Variants in LARP4B observed in about 807,000 individuals in gnomAD.
LARP4B encodes the protein La ribonucleoprotein 4B, also known as la-related protein 4B.
Under a neutral mutation model 89.8 loss-of-function variants are expected in LARP4B, and 12 were observed. The ratio of observed to expected loss-of-function variants is 0.13; its 90% CI spans 0.09 to 0.22. The LOEUF (loss-of-function observed/expected upper bound fraction) is 0.22. Among genes scored for constraint, LARP4B ranks in the 10% least tolerant of loss-of-function variants. LARP4B has a pLI of 1.00. For synonymous variants in LARP4B, 367 were observed against 363.3 expected, an observed-to-expected ratio of 1.01 and a Z score of -0.12; for missense variants, 757 against 947.7, an observed-to-expected ratio of 0.80 and a Z score of 2.64.
the LARP4B span, among the ~76,000 whole-genome samples, chr10:975,831 C>T: frequency 4.2e-5 from 6 of 141,462 alleles, no homozygotes; most frequent in African/African-American, 8.0e-5. Context: ...TCTCGCGCAA[C>T]GTGTGGACCC....
At chr10:828,702 C>A (rs2131653675) in intron 11 of LARP4B, among the ~76,000 whole-genome samples, 1 of 152,348 alleles carries the variant, frequency 6.6e-6, no homozygotes, top group East Asian at 1.9e-4. Context: ...TGCATTGCTA[C>A]CTCATGCAAA....
At chr10:872,363 C>T (rs1378108192) in intron 3 of LARP4B, among the ~76,000 whole-genome samples, 2 of 152,178 alleles carry the variant, frequency 1.3e-5, no homozygotes, top group Non-Finnish European at 2.9e-5. Flanking sequence ...TGACATGGCA[C>T]GCGAGGCTGA....
intron 5 of LARP4B, among the ~76,000 whole-genome samples, chr10:860,127 T>TGGGGGGGGGGGGG (rs60607691): frequency 9.4e-5 from 9 of 96,192 alleles, no homozygotes; most frequent in African/African-American, 1.6e-4. Flanking sequence ...TGTGTGGGGG[T>TGGGGGGGGGGGGG]GGGGGGGAGG....
At chr10:886,077 A>C (rs1407952679) in intron 1 of LARP4B, among the ~76,000 whole-genome samples, 1 of 152,222 alleles carries the variant, frequency 6.6e-6, no homozygotes, top group African/African-American at 2.4e-5. Flanking sequence ...TGAAGGCTTA[A>C]TATCCAAGAT....
At chr10:908,848 C>G (rs1836572181) in intron 1 of LARP4B, among the ~76,000 whole-genome samples, 1 of 152,048 alleles carries the variant, frequency 6.6e-6, no homozygotes, top group Admixed American at 6.6e-5. Context: ...TCAAGGAGTG[C>G]AGGCTGCAGC....
chr10:944,590 C>T, the LARP4B span, among the ~76,000 whole-genome samples: 1 of 152,252 alleles, frequency 6.6e-6, no homozygotes, highest in Non-Finnish European at 1.5e-5. Flanking sequence ...GGAAACAGCA[C>T]TCCTTTCCTG....
chr10:942,033 C>T, the LARP4B span, among the ~76,000 whole-genome samples: 2 of 152,148 alleles, frequency 1.3e-5, no homozygotes, highest in Non-Finnish European at 2.9e-5. Context: ...AACAAATGTG[C>T]CACTGTTCAG....
the LARP4B span, among the ~76,000 whole-genome samples, chr10:940,012 ATTTT>A: frequency 6.7e-5 from 8 of 118,804 alleles, no homozygotes; most frequent in Non-Finnish European, 1.1e-4. Context: ...CGCCCGGCTA[ATTTT>A]TTTTTTTTTT....
At chr10:817,924 G>C in intron 14 of LARP4B, 35 bp from the exon 15 acceptor site, 1 of 1,589,662 alleles carries the variant, frequency 6.3e-7, no homozygotes, top group Non-Finnish European at 8.6e-7. Context: ...TCACGGTATG[G>C]AGAGAGAAGG....
intron 1 of LARP4B, among the ~76,000 whole-genome samples, chr10:913,277 CTG>C (rs1836724912): frequency 6.6e-6 from 1 of 152,166 alleles, no homozygotes; most frequent in East Asian, 1.9e-4. Flanking sequence ...TCTTATAAAA[CTG>C]TAAGATCTGC....
At chr10:901,848 T>C (rs1261745871) in intron 1 of LARP4B, among the ~76,000 whole-genome samples, 1 of 152,234 alleles carries the variant, frequency 6.6e-6, no homozygotes, top group East Asian at 1.9e-4. Flanking sequence ...GTTTTATTTA[T>C]AGTTTGAGTT....
chr10:829,593 G>A lies in LARP4B; in HGVS notation c.917C>T (p.Ala306Val). 1.2e-6 allele frequency: 2 copies of A among 1,613,740 alleles called. No individual in the cohort carries two copies. The highest frequency in any genetic ancestry group is 1.7e-6 in the Non-Finnish European group (2 of 1,179,798). ...AGCTATTGCCTTTGCTTTTATCCGT[G>A]CCTGTTTGAAAATATGTAAGTTTCT... ...VKTFQGKPIK[A>V]RIKAKAIAIN... Residue 306 changes from alanine to valine, a missense_variant and splice_region_variant, in exon 11 of 18, where the codon GCA (alanine) becomes GTA (valine). Ala to Val is a moderately conservative substitution (Grantham distance 64, BLOSUM62 0). Transcript: ENST00000316157.
intron 1 of LARP4B, among the ~76,000 whole-genome samples, chr10:901,828 G>C (rs1182329358): frequency 6.6e-6 from 1 of 152,122 alleles, no homozygotes; most frequent in Non-Finnish European, 1.5e-5. Context: ...ACAGCAGTGA[G>C]AAAATGTGAG....
chr10:861,820 T>A (rs1834630133), intron 5 of LARP4B, among the ~76,000 whole-genome samples: 3 of 152,238 alleles, frequency 2.0e-5, no homozygotes, highest in Admixed American at 2.0e-4. Flanking sequence ...TTAGGTCATT[T>A]CAATTTAGTC....
intron 5 of LARP4B, among the ~76,000 whole-genome samples, chr10:856,208 G>A (rs1834294647): frequency 6.6e-6 from 1 of 152,094 alleles, no homozygotes; most frequent in Admixed American, 6.6e-5. Flanking sequence ...AAATACTCTT[G>A]GGAGAACAAA....
At position 857,835 on chromosome 10, in the gene LARP4B, G is replaced by A. The variant is rs185944674; in HGVS notation, c.430+5908C>T. The stretch of plus-strand genomic sequence containing the variant: ...TCTATCCTGGACTTTATACACCACT[G>A]AAAATTCTAAATGTCAATGGCCAAA... On this transcript the variant is annotated intron_variant, in intron 5 of 17. Coordinates refer to ENST00000316157, the MANE Select transcript of LARP4B (RefSeq NM_015155.3). Among the ~76,000 whole-genome samples, 3 of 152,160 alleles carry A rather than the reference G, an allele frequency of 2.0e-5. No homozygotes were observed. In the East Asian group the frequency reaches 5.8e-4, roughly 29 times the overall value.
intron 1 of LARP4B, among the ~76,000 whole-genome samples, chr10:909,454 G>T (rs1305118049): frequency 6.6e-6 from 1 of 152,012 alleles, no homozygotes; most frequent in African/African-American, 2.4e-5. Context: ...TTAAAATATA[G>T]TGAATGTCCC....
chr10:936,288 T>C (rs1589004861), upstream of LARP4B, among the ~76,000 whole-genome samples: 1 of 152,124 alleles, frequency 6.6e-6, no homozygotes, highest in East Asian at 1.9e-4. Context: ...TGAGGCTGTG[T>C]AGAGTGCTTG....
intron 11 of LARP4B, among the ~76,000 whole-genome samples, chr10:828,648 C>T (rs1316947413): frequency 1.3e-5 from 2 of 152,304 alleles, no homozygotes; most frequent in East Asian, 3.9e-4. Flanking sequence ...TGACCATAAC[C>T]TTCTATGTAT....
Sources: gnomAD v4.1 joint callset for allele counts (sites outside exome capture counted in the v4.1 genomes callset) on GRCh38, gnomAD v4.1.1 for gene constraint, MANE v1.5 for transcripts, NCBI Gene and HGNC (gene_info 2026-07-23, HGNC 2026-07-21) for gene names.